The following XRCC4 variants were observed in gnomAD, a reference collection of about 807,000 sequenced individuals.
XRCC4 encodes X-ray repair cross complementing 4.
Under a neutral mutation model 39.1 loss-of-function variants are expected in XRCC4, and 28 were observed. The observed-to-expected ratio is 0.72, with a 90% CI of 0.53 to 0.98. The LOEUF (loss-of-function observed/expected upper bound fraction) is 0.98. XRCC4 is among the 50% of genes least tolerant of loss of function. The pLI, the probability that XRCC4 is intolerant of heterozygous loss-of-function variation, is 0.00. For missense variants in XRCC4, 350 were observed against 376.4 expected, an observed-to-expected ratio of 0.93 and a Z score of 0.58; for synonymous variants, 123 against 126.4, an observed-to-expected ratio of 0.97 and a Z score of 0.18.
intron 6 of XRCC4, among the ~76,000 whole-genome samples, chr5:83,234,542 A>T (rs1301455984): frequency 6.6e-6 from 1 of 151,986 alleles, no homozygotes; most frequent in African/African-American, 2.4e-5. Flanking sequence ...CCACAGATGT[A>T]CTCTATTGTG....
intron 6 of XRCC4, among the ~76,000 whole-genome samples, chr5:83,243,798 C>G (rs1172869719): frequency 6.6e-6 from 1 of 152,094 alleles, no homozygotes; most frequent in Non-Finnish European, 1.5e-5. Context: ...AAATTGGAAG[C>G]ACATTTTAAT....
intron 1 of XRCC4, among the ~76,000 whole-genome samples, chr5:83,091,143 C>T (rs1745407621): frequency 6.6e-6 from 1 of 152,112 alleles, no homozygotes; most frequent in African/African-American, 2.4e-5. Context: ...ACTCTTTTGA[C>T]TGTTGTGTTA....
At chr5:83,308,473 C>T (rs775093673) in intron 7 of XRCC4, among the ~76,000 whole-genome samples, 1 of 152,036 alleles carries the variant, frequency 6.6e-6, no homozygotes, top group Non-Finnish European at 1.5e-5. Flanking sequence ...TTATTTTATA[C>T]GTGGATTTAG....
chr5:83,333,231 C>T (rs149375765), intron 7 of XRCC4, among the ~76,000 whole-genome samples: 13 of 152,152 alleles, frequency 8.5e-5, no homozygotes, highest in African/African-American at 2.6e-4. Context: ...CATCTTTTTC[C>T]GTCTTAAGTT....
At chr5:83,349,074 C>G (rs1470879395) in intron 7 of XRCC4, among the ~76,000 whole-genome samples, 1 of 152,190 alleles carries the variant, frequency 6.6e-6, no homozygotes, top group Non-Finnish European at 1.5e-5. Flanking sequence ...TTTCCCTCAT[C>G]TTCCTATCTT....
downstream of XRCC4, among the ~76,000 whole-genome samples, chr5:83,357,396 T>G (rs1192129049): frequency 6.6e-6 from 1 of 151,920 alleles, no homozygotes; most frequent in African/African-American, 2.4e-5. Context: ...AACACAAAAT[T>G]TAAAGGTATG....
chr5:83,244,650 G>A (rs935648557), intron 6 of XRCC4, among the ~76,000 whole-genome samples: 8 of 152,090 alleles, frequency 5.3e-5, no homozygotes, highest in Admixed American at 2.0e-4. Flanking sequence ...TATTTCAACA[G>A]CACCAAACTC....
chr5:83,109,513 A>G (rs1187986780), intron 2 of XRCC4, among the ~76,000 whole-genome samples: 1 of 151,954 alleles, frequency 6.6e-6, no homozygotes, highest in African/African-American at 2.4e-5. Context: ...TTTTATCATT[A>G]CTGTGATAGC....
intron 4 of XRCC4, among the ~76,000 whole-genome samples, chr5:83,196,972 A>G (rs535992486): frequency 6.6e-6 from 1 of 151,902 alleles, no homozygotes; most frequent in Middle Eastern, 3.4e-3. Context: ...TTTTCTGTAC[A>G]TTCAATTATA....
At chr5:83,204,035 T>G (rs1359333169) in intron 5 of XRCC4, among the ~76,000 whole-genome samples, 2 of 152,178 alleles carry the variant, frequency 1.3e-5, no homozygotes. Flanking sequence ...GTTGGATGCA[T>G]ATTTGTAATC....
chr5:83,100,571 T>G (rs1427886028), intron 1 of XRCC4, among the ~76,000 whole-genome samples: 2 of 152,154 alleles, frequency 1.3e-5, no homozygotes, highest in Non-Finnish European at 2.9e-5. Context: ...AAAATTATAT[T>G]AATGGTAACA....
intron 3 of XRCC4, among the ~76,000 whole-genome samples, chr5:83,128,575 T>A (rs1337223687): frequency 6.6e-6 from 1 of 152,184 alleles, no homozygotes; most frequent in African/African-American, 2.4e-5. Flanking sequence ...GTTGAACTAG[T>A]TTAAAGTCCC....
intron 3 of XRCC4, among the ~76,000 whole-genome samples, chr5:83,131,462 A>G (rs544894936): frequency 6.6e-6 from 1 of 152,196 alleles, no homozygotes; most frequent in African/African-American, 2.4e-5. Context: ...TGATCTGTCT[A>G]ATGTTGACAG....
intron 7 of XRCC4, among the ~76,000 whole-genome samples, chr5:83,279,526 T>G (rs372131448): frequency 6.6e-6 from 1 of 152,284 alleles, no homozygotes; most frequent in African/African-American, 2.4e-5. Context: ...CCTAAGCCAT[T>G]TGGCAGGCCC....
intron 7 of XRCC4, among the ~76,000 whole-genome samples, chr5:83,340,212 T>G (rs1411594057): frequency 2.0e-5 from 3 of 152,162 alleles, no homozygotes; most frequent in Non-Finnish European, 2.9e-5. Context: ...TCCTGAAATC[T>G]ATTTAATTCA....
At chr5:83,349,240 A>G (rs1383037222) in intron 7 of XRCC4, among the ~76,000 whole-genome samples, 2 of 152,178 alleles carry the variant, frequency 1.3e-5, no homozygotes, top group East Asian at 1.9e-4. Flanking sequence ...CCGTGATCCA[A>G]TCACCTCCCA....
intron 1 of XRCC4, among the ~76,000 whole-genome samples, chr5:83,089,432 A>C (rs966523680): frequency 2.6e-5 from 4 of 152,322 alleles, no homozygotes; most frequent in Admixed American, 1.3e-4. Context: ...TGGGGGAATA[A>C]GATAATTGAC....
At chr5:83,341,629 GAGTAGA>G (rs1299827683) in intron 7 of XRCC4, among the ~76,000 whole-genome samples, 2 of 151,916 alleles carry the variant, frequency 1.3e-5, no homozygotes, top group Non-Finnish European at 2.9e-5. Context: ...ACATCCTCTG[GAGTAGA>G]AGTAAGAGTT....
intron 6 of XRCC4, among the ~76,000 whole-genome samples, chr5:83,254,560 A>G (rs895586661): frequency 6.6e-6 from 1 of 152,154 alleles, no homozygotes; most frequent in African/African-American, 2.4e-5. Context: ...AAATATATAT[A>G]TAAGGTAATG....
Sources: allele counts gnomAD v4.1 joint callset (sites outside exome capture counted in the v4.1 genomes callset), GRCh38; gene constraint gnomAD v4.1.1; transcripts MANE v1.5; gene names NCBI Gene and HGNC (gene_info 2026-07-23, HGNC 2026-07-21).